HES3: variants seen among roughly 807,000 people sequenced by gnomAD.
HES3 encodes hes family bHLH transcription factor 3.
In HES3, 6 loss-of-function variants were observed where a neutral mutation model predicts 8.0. That is an observed-to-expected ratio of 0.75 (90% CI 0.41 to 1.49). The LOEUF (loss-of-function observed/expected upper bound fraction) is 1.49. Ranked by LOEUF, HES3 falls within the 40% of genes most tolerant of loss-of-function variation. The probability of loss-of-function intolerance (pLI) is 0.01; values close to 1 mark genes in which losing one functional copy is unlikely to be tolerated. For missense variants in HES3, 266 were observed against 260.9 expected, an observed-to-expected ratio of 1.02 and a Z score of -0.13; for synonymous variants, 121 against 119.4, an observed-to-expected ratio of 1.01 and a Z score of -0.09.
Position 6,244,414 on chromosome 1 carries a change from A to G in HES3, c.49A>G (p.Lys17Glu). 1 of 1,569,274 alleles carries G rather than the reference A, an allele frequency of 6.4e-7. No homozygotes were observed. Among genetic ancestry groups the G allele is most frequent in the Non-Finnish European group, 8.7e-7 (1 of 1,153,042 alleles). Residue 17 changes from lysine (K) to glutamate (E), a missense_variant, in exon 2 of 4, where the codon AAG (lysine) becomes GAG (glutamate). Coordinates refer to ENST00000377898, the MANE Select transcript of HES3 (RefSeq NM_001024598.4). ...ARINVSLEQL[K>E]SLLEKHYSHQ... ...CATCAATGTGTCACTGGAGCAGCTC[A>G]AGTCGCTGCTGGAGAAACACTACTC...
At position 6,245,092 on chromosome 1, in the gene HES3, G is replaced by C; in HGVS notation, c.164-18G>C. 7.4e-7 allele frequency: 1 copy of C among 1,352,648 alleles called. No individual in the cohort carries two copies. Among genetic ancestry groups the C allele is most frequent in the Non-Finnish European group, 9.6e-7 (1 of 1,042,276 alleles). 83.8% of individuals were successfully genotyped at this position (1,352,648 alleles called of 1,614,324 possible). ...CTCTCTTCCCCTCCCTGTTTCTCGC[G>C]TCCGCTCTTCCCCACAGGGCTCTGG... is the stretch of plus-strand genomic sequence containing the variant. On this transcript the variant is annotated intron_variant, in intron 3 of 3. Transcript: ENST00000377898.
chr1:6,245,427 T>C lies in HES3; in HGVS notation c.481T>C (p.Ser161Pro). Residue 161 changes from serine (S) to proline (P), a missense_variant, in exon 4 of 4, where the codon TCG becomes CCG. Physicochemically the swap from Ser to Pro is moderately conservative, Grantham distance 74. Transcript: ENST00000377898. Reference protein sequence around the residue: ...SASVPPPQPASSRCAESPGLG... With the variant: ...SASVPPPQPAPSRCAESPGLG... ...CAGCGTCCCCCCGCCGCAGCCAGCG[T>C]CGAGTCGCTGCGCCGAGAGTCCCGG... 2 of 1,554,596 alleles carry C rather than the reference T, an allele frequency of 1.3e-6. No individual in the cohort carries two copies. The highest frequency in any genetic ancestry group is 2.3e-5 in the South Asian group (2 of 85,132).
chr1:6,245,011 T>TG, intron 3 of HES3, 99 bp from the exon 4 acceptor site: 1 of 103,064 alleles, frequency 9.7e-6, no homozygotes, highest in East Asian at 2.3e-4. Flanking sequence ...CCTCCCTTCC[T>TG]CCCCTCCCCT....
chr1:6,245,039 C>T (rs1402483728), intron 3 of HES3, 71 bp from the exon 4 acceptor site: 2 of 412,896 alleles, frequency 4.8e-6, no homozygotes, highest in Admixed American at 4.3e-5. Flanking sequence ...CCTTCCCCTC[C>T]TCTCCCTCCC....
In HES3 at chr1:6,245,547, T is replaced by G; in HGVS notation, c.*40T>G. ...TGGTCTCGCGACACAGGGACTATTT[T>G]CAGCACGCCCACAGTGACTGCCAGG... On this transcript the variant is annotated 3_prime_UTR_variant, in exon 4 of 4. Coordinates refer to ENST00000377898, the MANE Select transcript of HES3 (RefSeq NM_001024598.4). The G allele has an allele frequency of 6.9e-7, 1 of 1,448,820 alleles. No individual in the cohort carries two copies. The highest frequency in any genetic ancestry group is 9.0e-7 in the Non-Finnish European group (1 of 1,111,074). 89.7% of individuals were successfully genotyped at this position (1,448,820 alleles called of 1,614,324 possible).
rs1478934695 is a variant in HES3 at position 6,245,245 on chromosome 1, C to A, written c.299C>A (p.Ala100Asp). The change falls in exon 4 of 4, where the codon GCC becomes GAC. Residue 100 changes from alanine to aspartate, a missense_variant. Transcript: ENST00000377898. ...TGCCCCCTGGTGCCCGAGAGCGCCG[C>A]CGGCAGCACCATGGACAGCGCCGGG... is the stretch of plus-strand genomic sequence containing the variant. The part of the protein sequence containing the change: ...LRCPLVPESA[A>D]GSTMDSAGLG... 8.6e-6 allele frequency: 13 copies of A among 1,516,606 alleles called. No individual in the cohort carries two copies. Among genetic ancestry groups the A allele is most frequent in the South Asian group, 1.2e-5 (1 of 82,342 alleles). 93.9% of individuals were successfully genotyped at this position (1,516,606 alleles called of 1,614,324 possible).
At chr1:6,244,813 G>A (rs1338724813) in intron 3 of HES3, among the ~76,000 whole-genome samples, 184 bp downstream of exon 3, 1 of 152,130 alleles carries the variant, frequency 6.6e-6, no homozygotes, top group East Asian at 1.9e-4. Flanking sequence ...AGTTGGTGAG[G>A]AGGGGGCCCC....
In HES3 at chr1:6,244,443, C is replaced by G. The variant is rs201779283; in HGVS notation, c.78C>G (p.His26Gln). ...CGCTGCTGGAGAAACACTACTCGCA[C>G]CAGGTGAGACTCAGGCGGGGTGGGG... Reference protein sequence around the residue: ...LKSLLEKHYSHQIRKRKLEKA... With the variant: ...LKSLLEKHYSQQIRKRKLEKA... Residue 26 changes from histidine to glutamine, a missense_variant, in exon 2 of 4, where the codon CAC becomes CAG. His to Gln is a conservative substitution (Grantham distance 24). Coordinates refer to ENST00000377898, the MANE Select transcript of HES3 (RefSeq NM_001024598.4). 21 of 1,609,508 alleles carry G rather than the reference C, an allele frequency of 1.3e-5. No individual in the cohort carries two copies. The highest frequency in any genetic ancestry group is 1.7e-5 in the Admixed American group (1 of 59,748).
At position 6,245,364 on chromosome 1, in the gene HES3, C is replaced by T. The variant is rs1475246803; in HGVS notation, c.418C>T (p.Leu140=). 1.3e-6 allele frequency: 2 copies of T among 1,511,620 alleles called. No individual in the cohort carries two copies. The highest frequency in any genetic ancestry group is 1.2e-5 in the South Asian group (1 of 80,940). 93.6% of individuals were successfully genotyped at this position (1,511,620 alleles called of 1,614,324 possible). ...CGGCGGCCCGCGGTCCCCACCACCC[C>T]TGCTCCTCCTCCCCGAAAGTCTCCC... ...AAGGPRSPPP[L]LLLPESLPGS... The change falls in exon 4 of 4, where the codon CTG becomes TTG. Residue 140 remains leucine, a synonymous_variant. Coordinates refer to ENST00000377898, the MANE Select transcript of HES3 (RefSeq NM_001024598.4).
rs1571232310 is a variant in HES3, at chr1:6,244,226, C to T, written c.-31C>T. On this transcript the variant is annotated 5_prime_UTR_variant, in exon 1 of 4. Coordinates refer to ENST00000377898, the MANE Select transcript of HES3 (RefSeq NM_001024598.4). The stretch of plus-strand genomic sequence containing the variant: ...AGCCTGCTGCCCGGGGCAGCCTCCC[C>T]GGCAACTTCCGAAAGGTCTGGGGTC... The T allele has an allele frequency of 1.5e-5, 11 of 733,504 alleles. No individual in the cohort carries two copies. The highest frequency in any genetic ancestry group is 2.3e-5 in the Non-Finnish European group (10 of 426,834). 45.4% of individuals were successfully genotyped at this position (733,504 alleles called of 1,614,324 possible). A position where few individuals can be genotyped will look rare whatever the true frequency, so the allele number is the denominator to read the frequency against.
rs764391101 is a variant in HES3, at chr1:6,244,438, T to C, written c.73T>C (p.Ser25Pro). 1 of 976,994 alleles carries C rather than the reference T, an allele frequency of 1.0e-6. No individual in the cohort carries two copies. Among genetic ancestry groups the C allele is most frequent in the African/African-American group, 2.0e-5 (1 of 50,816 alleles). 60.5% of individuals were successfully genotyped at this position (976,994 alleles called of 1,614,324 possible). Residue 25 changes from serine (S) to proline (P), a missense_variant, in exon 2 of 4, where the codon TCG becomes CCG. Transcript: ENST00000377898. ...CAAGTCGCTGCTGGAGAAACACTAC[T>C]CGCACCAGGTGAGACTCAGGCGGGG... ...QLKSLLEKHY[S>P]HQIRKRKLEK...
rs758585953 is a variant in HES3, at chr1:6,244,432, C to T, written c.67C>T (p.His23Tyr). The T allele has an allele frequency of 5.5e-5, 86 of 1,573,328 alleles. 1 individual carries two copies. In the Middle Eastern group the frequency reaches 3.3e-3, roughly 60 times the overall value. ...GCAGCTCAAGTCGCTGCTGGAGAAA[C>T]ACTACTCGCACCAGGTGAGACTCAG... ...LEQLKSLLEK[H>Y]YSHQIRKRKL... is the part of the protein sequence containing the mutation. Residue 23 changes from histidine (H) to tyrosine (Y), a missense_variant, in exon 2 of 4, where the codon CAC (histidine) becomes TAC (tyrosine). By Grantham distance (83) the His-to-Tyr change is moderately conservative. Coordinates refer to ENST00000377898, the MANE Select transcript of HES3 (RefSeq NM_001024598.4).
In HES3 at chr1:6,244,465, G is replaced by T; in HGVS notation, c.81+19G>T. The T allele has an allele frequency of 1.9e-6, 3 of 1,605,374 alleles. No individual in the cohort carries two copies. The highest frequency in any genetic ancestry group is 1.1e-5 in the South Asian group (1 of 90,850). ...GCACCAGGTGAGACTCAGGCGGGGT[G>T]GGGGTGGGTGGGTGATACGATCCCA... On this transcript the variant is annotated intron_variant, in intron 2 of 3. Coordinates refer to ENST00000377898, the MANE Select transcript of HES3 (RefSeq NM_001024598.4).
chr1:6,245,578 C>T lies in HES3; in HGVS notation c.*71C>T, dbSNP rs1638288481. ...CGCCCACAGTGACTGCCAGGACCCC[C>T]CAGTCGTCCGTTCTGGTCGTGGGGC... On this transcript the variant is annotated 3_prime_UTR_variant, in exon 4 of 4. Transcript: ENST00000377898. 2 of 1,386,690 alleles carry T rather than the reference C, an allele frequency of 1.4e-6. No homozygotes were observed. The allele number at this position is 1,386,690 out of a possible 1,614,324, so 85.9% of individuals were successfully genotyped here. A position where few individuals can be genotyped will look rare whatever the true frequency, so the allele number is the denominator to read the frequency against.
intron 2 of HES3, 49 bp downstream of exon 2, chr1:6,244,495 C>T: frequency 6.2e-7 from 1 of 1,613,102 alleles, no homozygotes; most frequent in Non-Finnish European, 8.5e-7. Flanking sequence ...ATCCCAACCT[C>T]CCTCTCTCCA....
Position 6,245,232 on chromosome 1 carries a change from C to A in HES3, c.286C>A (p.Pro96Thr), listed in dbSNP as rs61760836. The A allele has an allele frequency of 0.65, 991,071 of 1,517,694 alleles. 328,873 individuals are homozygous for A. Among genetic ancestry groups the A allele is most frequent in the Admixed American group, 0.75 (37,154 of 49,362 alleles). 94.0% of individuals were successfully genotyped at this position (1,517,694 alleles called of 1,614,324 possible). A position where few individuals can be genotyped will look rare whatever the true frequency, so the allele number is the denominator to read the frequency against. Residue 96 changes from proline (P) to threonine (T), a missense_variant, in exon 4 of 4, where the codon CCC (proline) becomes ACC (threonine). By Grantham distance (38) the Pro-to-Thr change is conservative. Transcript: ENST00000377898. ...VGSGLRCPLV[P>T]ESAAGSTMDS... ...CAGCGGCCTGCGCTGCCCCCTGGTG[C>A]CCGAGAGCGCCGCCGGCAGCACCAT...
intron 1 of HES3, 34 bp downstream of exon 1, chr1:6,244,275 C>T: frequency 8.1e-7 from 1 of 1,241,866 alleles, no homozygotes; most frequent in South Asian, 1.2e-5. Flanking sequence ...GGCAGGCACC[C>T]TTCCCCGGGA....
Position 6,245,164 on chromosome 1 carries a change from T to C in HES3, c.218T>C (p.Leu73Pro). The C allele has an allele frequency of 1.3e-6, 2 of 1,522,124 alleles. No individual in the cohort carries two copies. The highest frequency in any genetic ancestry group is 1.8e-6 in the Non-Finnish European group (2 of 1,141,130). The allele number at this position is 1,522,124 out of a possible 1,614,324, so 94.3% of individuals were successfully genotyped here. The change falls in exon 4 of 4, where the codon CTG becomes CCG. Residue 73 changes from leucine to proline, a missense_variant. Leu to Pro is a moderately conservative substitution (Grantham distance 98). Coordinates refer to ENST00000377898, the MANE Select transcript of HES3 (RefSeq NM_001024598.4). Reference sequence around the variant, plus strand: ...CAACCGTCGGGCTTCCGCAGCTGCCTGCCCGGCGTGAGCCAGCTCCTTCGG... The same window carrying C: ...CAACCGTCGGGCTTCCGCAGCTGCCCGCCCGGCGTGAGCCAGCTCCTTCGG... Reference protein sequence around the residue: ...AEQPSGFRSCLPGVSQLLRRG... With the variant: ...AEQPSGFRSCPPGVSQLLRRG...
In HES3 at chr1:6,245,307, AC is replaced by A. The variant is rs1161130550; in HGVS notation, c.365del (p.Pro122LeufsTer64). 1 of 1,503,810 alleles carries A rather than the reference AC, an allele frequency of 6.6e-7. No homozygotes were observed. 93.2% of individuals were successfully genotyped at this position (1,503,810 alleles called of 1,614,324 possible). A position where few individuals can be genotyped will look rare whatever the true frequency, so the allele number is the denominator to read the frequency against. Reference sequence around the variant, plus strand: ...GGCGCCCGCGCTGTTCCGCCCTTGCACCCCTGCCGTCTGGGCTCCTGCTCCG... The same window carrying A: ...GGCGCCCGCGCTGTTCCGCCCTTGCACCCTGCCGTCTGGGCTCCTGCTCCG... Reference protein sequence around the residue: ...QEAPALFRPCTPAVWAPAPAA... With the variant: ...QEAPALFRPCXPAVWAPAPAA... On this transcript the variant is annotated frameshift_variant, in exon 4 of 4. Transcript: ENST00000377898. LOFTEE classifies it low-confidence loss of function (END_TRUNC).
Sources: allele counts gnomAD v4.1 joint callset (sites outside exome capture counted in the v4.1 genomes callset), GRCh38; gene constraint gnomAD v4.1.1; transcripts MANE v1.5; gene names NCBI Gene and HGNC (gene_info 2026-07-23, HGNC 2026-07-21).